Variants in HEXB observed in about 807,000 individuals in gnomAD.
HEXB encodes beta-hexosaminidase subunit beta.
Under a neutral mutation model 71.2 loss-of-function variants are expected in HEXB, and 51 were observed. The ratio of observed to expected loss-of-function variants is 0.72; its 90% CI spans 0.57 to 0.90. HEXB has a LOEUF of 0.90. HEXB is among the 40% of genes least tolerant of loss of function. The pLI, the probability that HEXB is intolerant of heterozygous loss-of-function variation, is 0.00. For missense variants in HEXB, 617 were observed against 677.0 expected (o/e 0.91, Z 0.98); for synonymous variants, 266 against 249.3 (o/e 1.07, Z -0.63).
intron 1 of HEXB, among the ~76,000 whole-genome samples, chr5:74,677,627 T>A (rs1385291920): frequency 6.6e-6 from 1 of 151,936 alleles, no homozygotes; most frequent in East Asian, 1.9e-4. Flanking sequence ...CCTGTCTCGC[T>A]CTCCCCACTG....
At position 74,718,048 on chromosome 5, in the gene HEXB, G is replaced by GT. The variant is rs530157760; in HGVS notation, c.1170-240dup. Among the ~76,000 whole-genome samples the GT allele has an allele frequency of 3.0e-4, 45 of 152,232 alleles. No homozygotes were observed. In the East Asian group the frequency reaches 5.4e-3, roughly 18 times the overall value. On this transcript the variant is annotated intron_variant, in intron 9 of 13. Transcript: ENST00000261416. ...CCACTTCTTCCTATCTTAGGGGCAT[G>GT]TTTAACTCATTCATTCAGCAAATGA...
At chr5:74,674,520 C>T (rs1748595907) in intron 1 of HEXB, among the ~76,000 whole-genome samples, 4 of 149,128 alleles carry the variant, frequency 2.7e-5, no homozygotes, top group Admixed American at 2.0e-4. Context: ...AGGAGAATGG[C>T]GTGAACCCGG....
chr5:74,710,935 T>C (rs1284947434), intron 6 of HEXB, among the ~76,000 whole-genome samples: 4 of 151,920 alleles, frequency 2.6e-5, no homozygotes, highest in Non-Finnish European at 5.9e-5. Context: ...AAAAAACTAC[T>C]TGAAAGTTCA....
At chr5:74,668,080 A>G (rs934534625) in intron 1 of HEXB, among the ~76,000 whole-genome samples, 2 of 152,184 alleles carry the variant, frequency 1.3e-5, no homozygotes, top group Non-Finnish European at 2.9e-5. Context: ...CAGCCATAAA[A>G]TGCCTTAATT....
intron 5 of HEXB, among the ~76,000 whole-genome samples, chr5:74,703,615 T>G (rs1403045504): frequency 1.3e-5 from 2 of 152,088 alleles, no homozygotes; most frequent in Admixed American, 1.3e-4. Context: ...CTATATCTGC[T>G]AATATCAGGA....
intron 2 of HEXB, 106 bp downstream of exon 2, chr5:74,689,579 GA>G: frequency 1.1e-6 from 1 of 899,168 alleles, no homozygotes; most frequent in Non-Finnish European, 1.9e-6. Flanking sequence ...CTCAACCAGT[GA>G]GTTTATGATT....
chr5:74,670,155 T>A (rs1419183351), intron 1 of HEXB, among the ~76,000 whole-genome samples: 1 of 152,138 alleles, frequency 6.6e-6, no homozygotes, highest in African/African-American at 2.4e-5. Flanking sequence ...ACCCTTCACC[T>A]ATTTTACATA....
At chr5:74,696,814 T>C in intron 4 of HEXB, 75 bp downstream of exon 4, 1 of 823,808 alleles carries the variant, frequency 1.2e-6, no homozygotes, top group South Asian at 1.5e-5. Flanking sequence ...CCTGTTTAGC[T>C]ATTGCTTCCT....
chr5:74,708,219 A>C (rs373594846), intron 6 of HEXB, among the ~76,000 whole-genome samples: 73 of 151,176 alleles, frequency 4.8e-4, no homozygotes, highest in Non-Finnish European at 7.8e-4. Context: ...GAAATAAAAT[A>C]CTTTACAGAC....
intron 1 of HEXB, among the ~76,000 whole-genome samples, chr5:74,677,490 C>CTTTTTTTTTTTTTTTTT (rs566302720): frequency 5.2e-5 from 4 of 77,288 alleles, no homozygotes; most frequent in Non-Finnish European, 1.1e-4. Flanking sequence ...TCTTCTTCTT[C>CTTTTTTTTTTTTTTTTT]TTTTTTTTTT....
chr5:74,714,394 T>C, intron 7 of HEXB, among the ~76,000 whole-genome samples: 1 of 152,116 alleles, frequency 6.6e-6, no homozygotes. Flanking sequence ...ATTCAAGAAA[T>C]GGTTTCATAG....
intron 5 of HEXB, among the ~76,000 whole-genome samples, chr5:74,697,718 ACT>A (rs1481335997): frequency 9.7e-6 from 1 of 103,318 alleles, no homozygotes; most frequent in Non-Finnish European, 1.9e-5. Context: ...ACAGAGCAAG[ACT>A]CTGTCTCAAA....
intron 9 of HEXB, 26 bp downstream of exon 9, chr5:74,716,699 G>C (rs748567060): frequency 7.5e-7 from 1 of 1,341,672 alleles, no homozygotes; most frequent in Admixed American, 1.7e-5. Context: ...GCCTATTTCT[G>C]TATTAATGCT....
At position 74,689,425 on chromosome 5, in the gene HEXB, C is replaced by G; in HGVS notation, c.397C>G (p.Leu133Val). The G allele has an allele frequency of 5.0e-6, 8 of 1,613,396 alleles. No individual in the cohort carries two copies. Among genetic ancestry groups the G allele is most frequent in the Non-Finnish European group, 5.1e-6 (6 of 1,179,310 alleles). Reference sequence around the variant, plus strand: ...TCAGCAACTTCTTGTCTCAATCACCCTTCAGTCAGAGTGTGATGCTTTCCC... The same window carrying G: ...TCAGCAACTTCTTGTCTCAATCACCGTTCAGTCAGAGTGTGATGCTTTCCC... The part of the protein sequence containing the change: ...QVQQLLVSIT[L>V]QSECDAFPNI... The change falls in exon 2 of 14, where the codon CTT (leucine) becomes GTT (valine). Residue 133 changes from leucine to valine, a missense_variant. Coordinates refer to ENST00000261416, the MANE Select transcript of HEXB (RefSeq NM_000521.4).
rs1320048256 is a variant in HEXB, at chr5:74,720,660, T to C, written c.1526T>C (p.Val509Ala). ...TPRLWPRASA[V>A]GERLWSSKDV... ...AATTTTAGGCCTCGGGCAAGTGCTGTTGGTGAGAGACTCTGGAGTTCCAAA... is the reference window on the plus strand; with the variant it reads ...AATTTTAGGCCTCGGGCAAGTGCTGCTGGTGAGAGACTCTGGAGTTCCAAA... Residue 509 changes from valine to alanine, a missense_variant, in exon 13 of 14, where the codon GTT becomes GCT. By Grantham distance (64) the Val-to-Ala change is moderately conservative. Transcript: ENST00000261416. 5 of 1,614,014 alleles carry C rather than the reference T, an allele frequency of 3.1e-6. No homozygotes were observed. In the African/African-American group the frequency reaches 5.3e-5, roughly 17 times the overall value.
intron 5 of HEXB, among the ~76,000 whole-genome samples, chr5:74,701,452 CCTATTGCTTTCAATGA>C (rs1749258867): frequency 6.6e-6 from 1 of 152,106 alleles, no homozygotes; most frequent in Admixed American, 6.6e-5. Flanking sequence ...TCTACAATTC[CCTATTGCTTTCAATGA>C]CAATTACTAA....
chr5:74,674,638 G>A (rs1748599876), intron 1 of HEXB, among the ~76,000 whole-genome samples: 2 of 151,110 alleles, frequency 1.3e-5, no homozygotes, highest in Middle Eastern at 3.4e-3. Context: ...GAAGAAAGGA[G>A]GTTTTTATCT....
At position 74,652,362 on chromosome 5, in the gene HEXB, C is replaced by T. The variant is rs975361773; in HGVS notation, c.-377+11804C>T. Among the ~76,000 whole-genome samples, 27 of 152,220 alleles carry T rather than the reference C, an allele frequency of 1.8e-4. No individual in the cohort carries two copies. The highest frequency in any genetic ancestry group is 5.1e-4 in the African/African-American group (21 of 41,452). ...GAGCTGTGCTCTCCTAGTGTGTGGG[C>T]CTCCTGGCCCACGTGTCCAGCAAGC... On this transcript the variant is annotated intron_variant, in intron 1 of 13. Coordinates refer to the HEXB transcript ENST00000511181. The surrounding 1 kb of genome is among the most constrained non-coding windows in gnomAD (Gnocchi z 5.4).
At chr5:74,642,191 C>G (rs1747909840) in intron 1 of HEXB, among the ~76,000 whole-genome samples, 2 of 152,192 alleles carry the variant, frequency 1.3e-5, no homozygotes, top group African/African-American at 4.8e-5. Context: ...TCCTTGCAAA[C>G]AAAGAAAGAC....
Sources: gnomAD v4.1 joint callset for allele counts (sites outside exome capture counted in the v4.1 genomes callset) on GRCh38, gnomAD v4.1.1 for gene constraint, Gnocchi (gnomAD v3.1) non-coding constraint, MANE v1.5 for transcripts, NCBI Gene and HGNC (gene_info 2026-07-23, HGNC 2026-07-21) for gene names.